STPG2: variants seen among roughly 807,000 people sequenced by gnomAD.
STPG2 encodes sperm tail PG-rich repeat containing 2.
In STPG2, 56 loss-of-function variants were observed where a neutral mutation model predicts 54.2. That is an observed-to-expected ratio of 1.03 (90% confidence interval 0.83 to 1.29). The LOEUF (loss-of-function observed/expected upper bound fraction) is 1.29, where lower values mean the gene tolerates loss of function less well. Among genes scored for constraint, STPG2 ranks in the 50% most tolerant of loss-of-function variants. The pLI is 0.00. For synonymous variants in STPG2, 200 were observed against 181.8 expected, an observed-to-expected ratio of 1.10 and a Z score of -0.81; for missense variants, 596 against 544.9, an observed-to-expected ratio of 1.09 and a Z score of -0.93.
At chr4:98,015,010 T>A (rs1475319420) in intron 5 of STPG2, among the ~76,000 whole-genome samples, 1 of 152,192 alleles carries the variant, frequency 6.6e-6, no homozygotes, top group Non-Finnish European at 1.5e-5. Flanking sequence ...CAATCAGTTG[T>A]TTTTATCTTA....
intron 9 of STPG2, among the ~76,000 whole-genome samples, chr4:97,824,830 G>A (rs1728204281): frequency 6.6e-6 from 1 of 152,142 alleles, no homozygotes; most frequent in Non-Finnish European, 1.5e-5. Context: ...GGCAGCCTAG[G>A]TTCAATTTCT....
chr4:97,739,820 T>C (rs1725159885), intron 9 of STPG2, among the ~76,000 whole-genome samples: 1 of 58,320 alleles, frequency 1.7e-5, no homozygotes, highest in Non-Finnish European at 3.9e-5. Context: ...TCTGAAACTA[T>C]TCCAATCAAT....
intron 10 of STPG2, among the ~76,000 whole-genome samples, chr4:97,643,064 T>C (rs1453464764): frequency 6.6e-6 from 1 of 151,620 alleles, no homozygotes; most frequent in Non-Finnish European, 1.5e-5. Context: ...AATAATTATA[T>C]ATTTTTTCAT....
chr4:98,052,087 C>CAAA (rs5860519), intron 5 of STPG2, among the ~76,000 whole-genome samples: 5 of 117,798 alleles, frequency 4.2e-5, no homozygotes, highest in Non-Finnish European at 9.0e-5. Context: ...AACTCTGTCT[C>CAAA]AAAAAAAAAA....
chr4:97,561,389 T>C (rs1732237390), intron 10 of STPG2, among the ~76,000 whole-genome samples: 1 of 152,172 alleles, frequency 6.6e-6, no homozygotes, highest in African/African-American at 2.4e-5. Flanking sequence ...TTCTCCCATT[T>C]TGTAGGCTGC....
chr4:97,632,794 T>C (rs1721334611), intron 10 of STPG2, among the ~76,000 whole-genome samples: 1 of 152,142 alleles, frequency 6.6e-6, no homozygotes, highest in Non-Finnish European at 1.5e-5. Context: ...AATAATATGG[T>C]GCTAAAATGT....
intron 8 of STPG2, among the ~76,000 whole-genome samples, chr4:97,853,042 T>C (rs1347465065): frequency 1.5e-5 from 2 of 137,554 alleles, no homozygotes; most frequent in Non-Finnish European, 3.0e-5. Flanking sequence ...AGTGGAGCGA[T>C]CTCGGCTCAC....
Position 97,942,266 on chromosome 4 carries a change from A to G in STPG2, c.1044+1631T>C, listed in dbSNP as rs186685930. ...GATATTATGATAGAAATAACTTTGA[A>G]TCCATTCAATGACTCCTAAGCATAA... On this transcript the variant is annotated intron_variant, in intron 8 of 10. Transcript: ENST00000295268. Among the ~76,000 whole-genome samples, 111 of 152,008 alleles carry G rather than the reference A, an allele frequency of 7.3e-4. 1 individual carries two copies. Among genetic ancestry groups the G allele is most frequent in the East Asian group, 5.6e-3 (29 of 5,176 alleles).
At chr4:98,076,937 C>T (rs928398008) in intron 5 of STPG2, among the ~76,000 whole-genome samples, 1 of 151,926 alleles carries the variant, frequency 6.6e-6, no homozygotes, top group African/African-American at 2.4e-5. Context: ...CTGGTCTAGA[C>T]ATTTAATCAA....
intron 5 of STPG2, chr4:98,026,353 C>A (rs778161854): frequency 6.4e-6 from 3 of 465,168 alleles, no homozygotes; most frequent in Non-Finnish European, 3.8e-6. Flanking sequence ...TGTTAGTTAC[C>A]GATTTATTCC....
chr4:98,094,599 G>A (rs779039712), intron 5 of STPG2, among the ~76,000 whole-genome samples: 1 of 151,970 alleles, frequency 6.6e-6, no homozygotes, highest in Non-Finnish European at 1.5e-5. Flanking sequence ...CTGGGTCAGA[G>A]GGGAGCCCAC....
intron 4 of STPG2, among the ~76,000 whole-genome samples, chr4:97,526,234 T>C (rs1731277780): frequency 6.6e-6 from 1 of 152,106 alleles, no homozygotes; most frequent in Non-Finnish European, 1.5e-5. Context: ...AATTCAACTC[T>C]AACACTTTAG....
intron 10 of STPG2, among the ~76,000 whole-genome samples, chr4:97,690,060 A>G (rs1002300625): frequency 3.0e-4 from 45 of 152,180 alleles, no homozygotes; most frequent in Non-Finnish European, 1.3e-4. Flanking sequence ...TTAAATCAAT[A>G]AAGCAGTTAC....
At chr4:97,519,843 G>A (rs916120956) in intron 4 of STPG2, among the ~76,000 whole-genome samples, 19 of 152,000 alleles carry the variant, frequency 1.3e-4, no homozygotes, top group African/African-American at 4.6e-4. Context: ...TGAAGAAAAA[G>A]GAGAAAGGAC....
chr4:98,099,922 G>A (rs1218826691), intron 5 of STPG2, among the ~76,000 whole-genome samples: 1 of 151,882 alleles, frequency 6.6e-6, no homozygotes, highest in African/African-American at 2.4e-5. Context: ...TAACACAAAG[G>A]ATAAATGCTT....
intron 5 of STPG2, among the ~76,000 whole-genome samples, chr4:98,035,955 G>A (rs1433913393): frequency 2.0e-5 from 3 of 152,016 alleles, no homozygotes; most frequent in Non-Finnish European, 2.9e-5. Context: ...GAGGGGTGGG[G>A]GCTAGGGGAG....
At chr4:97,763,655 T>C (rs1424940175) in intron 9 of STPG2, among the ~76,000 whole-genome samples, 1 of 152,092 alleles carries the variant, frequency 6.6e-6, no homozygotes, top group Non-Finnish European at 1.5e-5. Context: ...GTTCCCCTAA[T>C]GAAGACATTT....
In STPG2 at chr4:98,109,156, G is replaced by A. The variant is rs541968695; in HGVS notation, c.500+37C>T. The A allele has an allele frequency of 4.8e-6, 6 of 1,244,388 alleles. No individual in the cohort carries two copies. The South Asian group carries it at 4.9e-5, about 10-fold the overall frequency. 77.1% of individuals were successfully genotyped at this position (1,244,388 alleles called of 1,614,324 possible). On this transcript the variant is annotated intron_variant, in intron 4 of 10. Coordinates refer to ENST00000295268, the MANE Select transcript of STPG2 (RefSeq NM_174952.3). ...ATTATTAAAATACTTTTCTAGTCAA[G>A]AGCTACATTAAAGGTATACTATATT...
At chr4:97,853,401 A>G (rs961669839) in intron 8 of STPG2, among the ~76,000 whole-genome samples, 3 of 152,254 alleles carry the variant, frequency 2.0e-5, no homozygotes, top group Non-Finnish European at 4.4e-5. Flanking sequence ...CATTCTGCAC[A>G]TGTATCCCAG....
Sources: gnomAD v4.1 joint callset for allele counts (sites outside exome capture counted in the v4.1 genomes callset) on GRCh38, gnomAD v4.1.1 for gene constraint, MANE v1.5 for transcripts, NCBI Gene and HGNC (gene_info 2026-07-23, HGNC 2026-07-21) for gene names.